Variants in XRCC4 observed in about 807,000 individuals in gnomAD.
XRCC4 encodes X-ray repair cross complementing 4.
In XRCC4, 28 loss-of-function variants were observed where a neutral mutation model predicts 39.1. The ratio of observed to expected loss-of-function variants is 0.72; its 90% CI spans 0.53 to 0.98. The LOEUF (loss-of-function observed/expected upper bound fraction) is 0.98. Ranked by LOEUF, XRCC4 falls within the 50% of genes least tolerant of loss-of-function variation. XRCC4 has a pLI of 0.00. For synonymous variants in XRCC4, 123 were observed against 126.4 expected, an observed-to-expected ratio of 0.97 and a Z score of 0.18; for missense variants, 350 against 376.4, an observed-to-expected ratio of 0.93 and a Z score of 0.58.
At chr5:83,301,102 G>A (rs1056406438) in intron 7 of XRCC4, among the ~76,000 whole-genome samples, 14 of 152,312 alleles carry the variant, frequency 9.2e-5, no homozygotes, top group Non-Finnish European at 1.6e-4. Context: ...ACCCAGTAAT[G>A]AGATTGCTGG....
intron 7 of XRCC4, among the ~76,000 whole-genome samples, chr5:83,326,616 A>G (rs905961251): frequency 6.6e-6 from 1 of 152,038 alleles, no homozygotes; most frequent in Non-Finnish European, 1.5e-5. Flanking sequence ...AATATGGTTT[A>G]TTTCTTGAAG....
intron 6 of XRCC4, among the ~76,000 whole-genome samples, chr5:83,221,428 G>A (rs1262856312): frequency 6.6e-6 from 1 of 152,072 alleles, no homozygotes; most frequent in Non-Finnish European, 1.5e-5. Context: ...TCTGATTACA[G>A]AGCTCATCTG....
At chr5:83,218,141 C>G (rs1013502190) in intron 6 of XRCC4, among the ~76,000 whole-genome samples, 2 of 150,780 alleles carry the variant, frequency 1.3e-5, no homozygotes, top group African/African-American at 2.4e-5. Context: ...CATATGTATA[C>G]ATGTGCCATG....
At chr5:83,314,050 T>TAA (rs1755798552) in intron 7 of XRCC4, among the ~76,000 whole-genome samples, 2 of 152,116 alleles carry the variant, frequency 1.3e-5, no homozygotes, top group African/African-American at 4.8e-5. Context: ...TATTATTATT[T>TAA]AATCTCATTC....
chr5:83,235,632 GTCTTT>G (rs1752662604), intron 6 of XRCC4, among the ~76,000 whole-genome samples: 1 of 151,928 alleles, frequency 6.6e-6, no homozygotes, highest in Non-Finnish European at 1.5e-5. Flanking sequence ...AAAAACAAAA[GTCTTT>G]TCTTTAAGAT....
intron 7 of XRCC4, among the ~76,000 whole-genome samples, chr5:83,340,274 T>TAGGC (rs58991107): frequency 0.98 from 148,758 of 152,118 alleles, 72,761 homozygotes; most frequent in East Asian, 1. Context: ...ACTAGAGTGG[T>TAGGC]AGAATAGTAA....
At chr5:83,178,984 C>G (rs1203014108) in intron 3 of XRCC4, among the ~76,000 whole-genome samples, 1 of 152,182 alleles carries the variant, frequency 6.6e-6, no homozygotes, top group African/African-American at 2.4e-5. Flanking sequence ...GTGGCTAGCT[C>G]TTATTTAGCC....
chr5:83,185,043 G>T (rs1750374053), intron 3 of XRCC4, among the ~76,000 whole-genome samples: 1 of 151,842 alleles, frequency 6.6e-6, no homozygotes, highest in African/African-American at 2.4e-5. Context: ...GATTTCTAAG[G>T]TTCCCATATA....
chr5:83,083,847 T>C (rs1463252935), intron 1 of XRCC4, among the ~76,000 whole-genome samples: 1 of 152,180 alleles, frequency 6.6e-6, no homozygotes, highest in Non-Finnish European at 1.5e-5. Flanking sequence ...TACCCCTAAG[T>C]TGTTTTCACC....
chr5:83,166,086 C>T (rs535226743), intron 3 of XRCC4, among the ~76,000 whole-genome samples: 1 of 152,078 alleles, frequency 6.6e-6, no homozygotes, highest in South Asian at 2.1e-4. Context: ...GGGGTTTCGC[C>T]ATGTTGGCCA....
chr5:83,370,020 T>G, the XRCC4 span, among the ~76,000 whole-genome samples: 1 of 152,140 alleles, frequency 6.6e-6, no homozygotes, highest in Non-Finnish European at 1.5e-5. Flanking sequence ...ATATTTAATC[T>G]TCTGTACTCA....
chr5:83,222,562 C>T (rs899740063), intron 6 of XRCC4, among the ~76,000 whole-genome samples: 9 of 151,986 alleles, frequency 5.9e-5, no homozygotes, highest in African/African-American at 2.2e-4. Context: ...CCTGGAGAAC[C>T]CTCATTTTCT....
chr5:83,165,425 G>A (rs912283367), intron 3 of XRCC4, among the ~76,000 whole-genome samples: 1 of 152,120 alleles, frequency 6.6e-6, no homozygotes, highest in African/African-American at 2.4e-5. Context: ...AATATTGCTT[G>A]TTGAAATTAC....
intron 7 of XRCC4, among the ~76,000 whole-genome samples, chr5:83,349,267 A>T (rs1190397598): frequency 6.6e-6 from 1 of 152,224 alleles, no homozygotes; most frequent in Non-Finnish European, 1.5e-5. Context: ...CCCTCCTCCA[A>T]CATTGAGGAT....
chr5:83,195,367 G>T (rs756086397), intron 3 of XRCC4, among the ~76,000 whole-genome samples: 1 of 152,082 alleles, frequency 6.6e-6, no homozygotes, highest in Non-Finnish European at 1.5e-5. Context: ...CAAAAGGTCA[G>T]TTATTCCATT....
intron 2 of XRCC4, among the ~76,000 whole-genome samples, chr5:83,108,797 C>T (rs2112390660): frequency 6.6e-6 from 1 of 150,678 alleles, no homozygotes; most frequent in Non-Finnish European, 1.5e-5. Context: ...TACTTTTTAA[C>T]ATAATGCAAA....
intron 6 of XRCC4, among the ~76,000 whole-genome samples, chr5:83,230,754 G>A (rs1040560165): frequency 3.3e-5 from 5 of 151,942 alleles, no homozygotes; most frequent in Non-Finnish European, 7.4e-5. Flanking sequence ...TGAAGATGGT[G>A]CACTTTATTA....
chr5:83,099,808 T>A (rs1745841902), intron 1 of XRCC4, among the ~76,000 whole-genome samples: 1 of 152,086 alleles, frequency 6.6e-6, no homozygotes, highest in Admixed American at 6.6e-5. Flanking sequence ...AATCAATCAG[T>A]CCCTCTGAAG....
intron 6 of XRCC4, among the ~76,000 whole-genome samples, chr5:83,225,500 A>G (rs146172267): frequency 7.6e-4 from 115 of 151,086 alleles, no homozygotes; most frequent in African/African-American, 2.6e-3. Context: ...GTTATTTAGG[A>G]TCACAAAGCC....
Sources: gnomAD v4.1 joint callset for allele counts (sites outside exome capture counted in the v4.1 genomes callset) on GRCh38, gnomAD v4.1.1 for gene constraint, MANE v1.5 for transcripts, NCBI Gene and HGNC (gene_info 2026-07-23, HGNC 2026-07-21) for gene names.